The following CHCHD6 variants were observed in gnomAD, a reference collection of about 807,000 sequenced individuals.
CHCHD6 encodes the protein MICOS complex subunit MIC25.
CHCHD6 carries 28 observed loss-of-function variants against 32.3 expected under a neutral mutation model. The ratio of observed to expected loss-of-function variants is 0.87; its 90% CI spans 0.64 to 1.19. The LOEUF (loss-of-function observed/expected upper bound fraction) is 1.19. CHCHD6 is among the 50% of genes most tolerant of loss of function. CHCHD6 has a pLI of 0.00. For synonymous variants in CHCHD6, 122 were observed against 117.5 expected (o/e 1.04, Z -0.25); for missense variants, 333 against 307.0 (o/e 1.08, Z -0.63).
At chr3:126,884,565 G>T (rs896213822) in intron 5 of CHCHD6, among the ~76,000 whole-genome samples, 1 of 152,182 alleles carries the variant, frequency 6.6e-6, no homozygotes, top group South Asian at 2.1e-4. Context: ...AAAAGCAGGT[G>T]TGTTGTTTTC....
At chr3:126,818,932 C>G (rs1940033372) in intron 4 of CHCHD6, among the ~76,000 whole-genome samples, 2 of 152,170 alleles carry the variant, frequency 1.3e-5, no homozygotes, top group Admixed American at 6.5e-5. Context: ...TACGTGGCAA[C>G]TGTGGAGGGA....
intron 4 of CHCHD6, among the ~76,000 whole-genome samples, chr3:126,807,796 A>G (rs1410250841): frequency 6.6e-6 from 1 of 152,222 alleles, no homozygotes; most frequent in Non-Finnish European, 1.5e-5. Flanking sequence ...TGTATAACAA[A>G]TTACTCCAAA....
rs144241642 is a variant in CHCHD6, at chr3:126,934,059, G to A, written c.566+19309G>A. Reference sequence around the variant, plus strand: ...CCTTGAGCATTTCCCTGGGCTCAAGGTCTGAGAACCTGGATTGAGCTCACA... The same window carrying A: ...CCTTGAGCATTTCCCTGGGCTCAAGATCTGAGAACCTGGATTGAGCTCACA... On this transcript the variant is annotated intron_variant, in intron 6 of 7. Coordinates refer to ENST00000290913, the MANE Select transcript of CHCHD6 (RefSeq NM_032343.3). 3.3e-5 allele frequency among the ~76,000 whole-genome samples: 5 copies of A among 152,326 alleles called. No homozygotes were observed. In the East Asian group the frequency reaches 7.7e-4, roughly 24 times the overall value.
At chr3:126,866,475 GT>G (rs896388506) in intron 5 of CHCHD6, among the ~76,000 whole-genome samples, 2 of 152,182 alleles carry the variant, frequency 1.3e-5, no homozygotes, top group African/African-American at 2.4e-5. Context: ...TGTCATTCCC[GT>G]TTTACAGATA....
At chr3:126,952,506 G>T (rs532036030) in intron 6 of CHCHD6, among the ~76,000 whole-genome samples, 1 of 152,158 alleles carries the variant, frequency 6.6e-6, no homozygotes, top group African/African-American at 2.4e-5. Flanking sequence ...GAGGCCCAGG[G>T]TCCAGCAGAA....
chr3:126,890,416 G>A (rs114384747), intron 5 of CHCHD6, among the ~76,000 whole-genome samples: 1,810 of 152,218 alleles, frequency 0.012, 19 homozygotes, highest in Middle Eastern at 0.048. Context: ...TTGGGAGAGG[G>A]CTGCAGTGTC....
intron 5 of CHCHD6, among the ~76,000 whole-genome samples, chr3:126,865,187 T>TCCTTTTCC (rs1559891234): frequency 8.6e-4 from 36 of 42,026 alleles, no homozygotes; most frequent in South Asian, 2.0e-3. Context: ...CCTCCTCCAC[T>TCCTTTTCC]ACCACCTCCA....
rs201679975 is a variant in CHCHD6 at position 126,946,998 on chromosome 3, AG to A, written c.567-10417del. 8.5e-3 allele frequency among the ~76,000 whole-genome samples: 1,297 copies of A among 152,366 alleles called. 12 individuals carry two copies. The highest frequency in any genetic ancestry group is 0.011 in the Non-Finnish European group (736 of 68,036). ...TCCATTTATTAAATAAAGTGAAGAG[AG>A]CACACAGAGGATTTGGGGCCACACG... On this transcript the variant is annotated intron_variant, in intron 6 of 7. Coordinates refer to ENST00000290913, the MANE Select transcript of CHCHD6 (RefSeq NM_032343.3).
intron 4 of CHCHD6, among the ~76,000 whole-genome samples, chr3:126,811,942 A>G (rs754755474): frequency 8.5e-5 from 13 of 152,214 alleles, no homozygotes; most frequent in Non-Finnish European, 1.6e-4. Context: ...GCAGCAACAT[A>G]GTACGTTTTC....
At chr3:126,814,870 G>A (rs759098805) in intron 4 of CHCHD6, among the ~76,000 whole-genome samples, 1 of 152,210 alleles carries the variant, frequency 6.6e-6, no homozygotes, top group Non-Finnish European at 1.5e-5. Context: ...CTGAAGTGGG[G>A]TGAGGGGGAT....
At chr3:126,784,952 T>A (rs1288706997) in intron 4 of CHCHD6, among the ~76,000 whole-genome samples, 3 of 152,204 alleles carry the variant, frequency 2.0e-5, no homozygotes, top group African/African-American at 7.2e-5. Context: ...ACTTTATGTA[T>A]TTATTTTTCC....
At chr3:126,755,761 G>T (rs1019851162) in intron 4 of CHCHD6, among the ~76,000 whole-genome samples, 7 of 151,986 alleles carry the variant, frequency 4.6e-5, no homozygotes, top group Non-Finnish European at 7.4e-5. Context: ...TGAAGTCAAG[G>T]CTTCTACCTT....
chr3:126,847,912 G>C (rs917376490), intron 4 of CHCHD6, among the ~76,000 whole-genome samples: 7 of 152,000 alleles, frequency 4.6e-5, no homozygotes, highest in Non-Finnish European at 8.8e-5. Context: ...TTCTGAAACA[G>C]CTGTTAGACA....
At chr3:126,915,799 G>A (rs2078160080) in intron 6 of CHCHD6, among the ~76,000 whole-genome samples, 1 of 152,174 alleles carries the variant, frequency 6.6e-6, no homozygotes, top group Non-Finnish European at 1.5e-5. Context: ...TGGTTTTGGG[G>A]TCTCTTTTTG....
chr3:126,725,922 G>T (rs1935513195), intron 1 of CHCHD6, among the ~76,000 whole-genome samples: 2 of 152,156 alleles, frequency 1.3e-5, no homozygotes, highest in South Asian at 2.1e-4. Context: ...AAGGGAATAC[G>T]GTGGCTGGTT....
intron 5 of CHCHD6, among the ~76,000 whole-genome samples, chr3:126,881,724 GTA>G (rs2077612939): frequency 6.6e-6 from 1 of 152,164 alleles, no homozygotes; most frequent in African/African-American, 2.4e-5. Flanking sequence ...GTGTTTTGTT[GTA>G]TCTTTTTGCA....
intron 1 of CHCHD6, among the ~76,000 whole-genome samples, chr3:126,705,607 A>G (rs958509579): frequency 6.6e-6 from 1 of 152,190 alleles, no homozygotes; most frequent in African/African-American, 2.4e-5. Flanking sequence ...CTGTGTCTAC[A>G]CCTGCAGGTG....
chr3:126,741,987 T>C (rs1426762360), intron 4 of CHCHD6, among the ~76,000 whole-genome samples: 17 of 152,228 alleles, frequency 1.1e-4, no homozygotes, highest in Admixed American at 1.0e-3. Context: ...TTGGGCTTAT[T>C]GACCTCTAAG....
chr3:126,878,989 G>A (rs1478615472), intron 5 of CHCHD6, among the ~76,000 whole-genome samples: 3 of 152,192 alleles, frequency 2.0e-5, no homozygotes, highest in Admixed American at 6.5e-5. Flanking sequence ...CCTCATTCAC[G>A]CTTGTGGCAG....
Sources: allele counts gnomAD v4.1 joint callset (sites outside exome capture counted in the v4.1 genomes callset), GRCh38; gene constraint gnomAD v4.1.1; transcripts MANE v1.5; gene names NCBI Gene and HGNC (gene_info 2026-07-23, HGNC 2026-07-21).